SLC9A9: variants seen among roughly 807,000 people sequenced by gnomAD.
SLC9A9 encodes the protein solute carrier family 9 member A9.
In SLC9A9, 62 loss-of-function variants were observed where a neutral mutation model predicts 77.8. The ratio of observed to expected loss-of-function variants is 0.80; its 90% confidence interval spans 0.65 to 0.98. The LOEUF (loss-of-function observed/expected upper bound fraction) is 0.98, where lower values mean the gene tolerates loss of function less well. SLC9A9 is among the 50% of genes least tolerant of loss of function. The pLI is 0.00. For missense variants in SLC9A9, 775 were observed against 774.9 expected (o/e 1.00, Z 0.00); for synonymous variants, 320 against 283.5 (o/e 1.13, Z -1.29).
intron 5 of SLC9A9, among the ~76,000 whole-genome samples, chr3:143,671,036 G>C (rs898810898): frequency 6.6e-6 from 1 of 152,218 alleles, no homozygotes; most frequent in Middle Eastern, 3.4e-3. Context: ...TGCCACTTAC[G>C]AGCCTTGTAA....
chr3:143,467,053 TC>T lies in SLC9A9; in HGVS notation c.1452del (p.Thr485LeufsTer15). 1 of 1,613,876 alleles carries T rather than the reference TC, an allele frequency of 6.2e-7. No individual in the cohort carries two copies. Among genetic ancestry groups the T allele is most frequent in the Non-Finnish European group, 8.5e-7 (1 of 1,179,946 alleles). ...WVFGGGTTPM[L>X]TWLQIRVGVD... ...GTCACTCACCTGATCTGAAGCCAAG[TC>T]AACATGGGGGTTGTTCCTCCTCCAA... is the stretch of plus-strand genomic sequence containing the variant. On this transcript the variant is annotated frameshift_variant, in exon 12 of 16. Coordinates refer to ENST00000316549, the MANE Select transcript of SLC9A9 (RefSeq NM_173653.4). LOFTEE classifies it high-confidence loss of function.
intron 4 of SLC9A9, among the ~76,000 whole-genome samples, chr3:143,735,843 C>T (rs576799051): frequency 6.6e-6 from 1 of 152,296 alleles, no homozygotes; most frequent in East Asian, 1.9e-4. Flanking sequence ...CTATTTGCTA[C>T]CATGTGACAT....
At chr3:143,579,293 C>T (rs1022745747) in intron 6 of SLC9A9, among the ~76,000 whole-genome samples, 3 of 152,136 alleles carry the variant, frequency 2.0e-5, no homozygotes, top group African/African-American at 7.2e-5. Context: ...AGAGACAAAA[C>T]CCTCATTTTC....
At chr3:143,759,098 G>A (rs907672332) in intron 4 of SLC9A9, among the ~76,000 whole-genome samples, 5 of 152,130 alleles carry the variant, frequency 3.3e-5, no homozygotes, top group African/African-American at 1.2e-4. Context: ...TAAATAACTT[G>A]TCTGAAGTCT....
chr3:143,767,966 C>CTTTG (rs10666896), intron 4 of SLC9A9, among the ~76,000 whole-genome samples: 75,113 of 151,688 alleles, frequency 0.5, 21,698 homozygotes, highest in African/African-American at 0.81. Context: ...CTAATGTTTG[C>CTTTG]TTTGCTGTTA....
At chr3:143,505,488 C>T (rs1039247884) in intron 9 of SLC9A9, among the ~76,000 whole-genome samples, 3 of 152,130 alleles carry the variant, frequency 2.0e-5, no homozygotes, top group African/African-American at 7.2e-5. Context: ...ATCAGATTCT[C>T]CAAGTTGTTT....
At chr3:143,779,619 C>T (rs999541917) in intron 4 of SLC9A9, among the ~76,000 whole-genome samples, 1 of 152,150 alleles carries the variant, frequency 6.6e-6, no homozygotes, top group East Asian at 1.9e-4. Flanking sequence ...GATCCATCCA[C>T]TTCGGCCTCC....
intron 14 of SLC9A9, among the ~76,000 whole-genome samples, chr3:143,283,359 C>T (rs1938281054): frequency 6.6e-6 from 1 of 152,150 alleles, no homozygotes; most frequent in Non-Finnish European, 1.5e-5. Flanking sequence ...TGGATCTCAG[C>T]CTGTCTGGAT....
intron 9 of SLC9A9, among the ~76,000 whole-genome samples, chr3:143,502,263 A>G (rs1038576289): frequency 6.8e-6 from 1 of 148,006 alleles, no homozygotes. Context: ...CTTTTGTTCA[A>G]GGGGCAGGGG....
At chr3:143,625,038 G>C (rs1029981843) in intron 6 of SLC9A9, among the ~76,000 whole-genome samples, 12 of 152,046 alleles carry the variant, frequency 7.9e-5, no homozygotes, top group Non-Finnish European at 1.8e-4. Flanking sequence ...AATAAAATAT[G>C]TAGGAATCCA....
At chr3:143,737,514 G>A (rs562528149) in intron 4 of SLC9A9, among the ~76,000 whole-genome samples, 28 of 150,994 alleles carry the variant, frequency 1.9e-4, no homozygotes, top group African/African-American at 6.3e-4. Context: ...AAACTCTCAC[G>A]AATGGCAGAG....
At position 143,347,636 on chromosome 3, in the gene SLC9A9, GGA is replaced by G. The variant is rs1226833181; in HGVS notation, c.1604+15846_1604+15847del. ...TGATCCTCAGTTTCCTTACCTGTAA[GGA>G]GAGAGAAATGCTTCTTGCCCTTTGC... On this transcript the variant is annotated intron_variant, in intron 14 of 15. Coordinates refer to ENST00000316549, the MANE Select transcript of SLC9A9 (RefSeq NM_173653.4). Among the ~76,000 whole-genome samples the G allele has an allele frequency of 4.6e-5, 7 of 152,154 alleles. No homozygotes were observed. In the East Asian group the frequency reaches 1.3e-3, roughly 29 times the overall value.
chr3:143,572,149 G>T (rs77683496), intron 8 of SLC9A9, among the ~76,000 whole-genome samples: 1 of 152,128 alleles, frequency 6.6e-6, no homozygotes, highest in Non-Finnish European at 1.5e-5. Context: ...AGGTTGAAAG[G>T]GTGTGAAAGA....
chr3:143,776,025 CA>C (rs2007677368), intron 4 of SLC9A9, among the ~76,000 whole-genome samples: 3 of 152,172 alleles, frequency 2.0e-5, no homozygotes, highest in Admixed American at 2.0e-4. Context: ...GGCTTATATG[CA>C]AATCCTTGGG....
chr3:143,541,384 T>C (rs1376565585), intron 9 of SLC9A9, among the ~76,000 whole-genome samples: 1 of 152,100 alleles, frequency 6.6e-6, no homozygotes, highest in Non-Finnish European at 1.5e-5. Context: ...CAGCCAAACC[T>C]TGAGACACGG....
chr3:143,403,338 A>T (rs1399637681), intron 12 of SLC9A9, among the ~76,000 whole-genome samples: 1 of 152,086 alleles, frequency 6.6e-6, no homozygotes, highest in Non-Finnish European at 1.5e-5. Flanking sequence ...ATATCTTTAT[A>T]TCCTATAGAC....
chr3:143,688,988 A>G (rs1933366714), intron 5 of SLC9A9, among the ~76,000 whole-genome samples: 1 of 151,870 alleles, frequency 6.6e-6, no homozygotes, highest in African/African-American at 2.4e-5. Flanking sequence ...CTTACTCATA[A>G]TAAAATACAA....
chr3:143,305,479 T>C (rs894851165), intron 14 of SLC9A9, among the ~76,000 whole-genome samples: 9 of 152,174 alleles, frequency 5.9e-5, no homozygotes, highest in Non-Finnish European at 1.2e-4. Flanking sequence ...GACTTGAGGA[T>C]TTGAACTAGG....
At chr3:143,500,453 TTAA>T (rs1199618681) in intron 9 of SLC9A9, among the ~76,000 whole-genome samples, 7 of 152,140 alleles carry the variant, frequency 4.6e-5, no homozygotes, top group African/African-American at 1.7e-4. Context: ...TCCCATTTTA[TTAA>T]TTTCTCTCTT....
Sources: gnomAD v4.1 joint callset for allele counts (sites outside exome capture counted in the v4.1 genomes callset) on GRCh38, gnomAD v4.1.1 for gene constraint, MANE v1.5 for transcripts, NCBI Gene and HGNC (gene_info 2026-07-23, HGNC 2026-07-21) for gene names.